Variants in SYN3 observed in about 807,000 individuals in gnomAD.
The protein encoded by SYN3 is synapsin III.
SYN3 carries 35 observed loss-of-function variants against 65.8 expected under a neutral mutation model. The ratio of observed to expected loss-of-function variants is 0.53; its 90% CI spans 0.41 to 0.70. The LOEUF is 0.70. SYN3 is among the 30% of genes least tolerant of loss of function. The pLI is 0.00. For synonymous variants in SYN3, 270 were observed against 292.9 expected (o/e 0.92, Z 0.80); for missense variants, 680 against 749.0 (o/e 0.91, Z 1.08).
chr22:32,935,606 G>A (rs946569688), intron 3 of SYN3, among the ~76,000 whole-genome samples: 40 of 151,894 alleles, frequency 2.6e-4, no homozygotes, highest in Admixed American at 1.3e-4. Flanking sequence ...ACCCGCCACC[G>A]CGCCCGGCTA....
intron 6 of SYN3, among the ~76,000 whole-genome samples, chr22:32,780,600 T>C (rs1469881362): frequency 6.6e-6 from 1 of 152,154 alleles, no homozygotes; most frequent in African/African-American, 2.4e-5. Flanking sequence ...TGGGAGGGAT[T>C]ACACCTTGAC....
intron 7 of SYN3, among the ~76,000 whole-genome samples, chr22:32,546,427 C>T (rs1479607135): frequency 6.6e-6 from 1 of 152,156 alleles, no homozygotes; most frequent in Non-Finnish European, 1.5e-5. Flanking sequence ...TGGATATTTC[C>T]ATGCATTCTT....
chr22:32,952,142 C>T (rs1400013072), intron 3 of SYN3, among the ~76,000 whole-genome samples: 1 of 152,174 alleles, frequency 6.6e-6, no homozygotes, highest in Non-Finnish European at 1.5e-5. Context: ...ACTCACCTAG[C>T]AGCCCATTCC....
intron 6 of SYN3, among the ~76,000 whole-genome samples, chr22:32,661,452 G>C (rs1890891984): frequency 6.6e-6 from 1 of 152,266 alleles, no homozygotes; most frequent in Admixed American, 6.5e-5. Flanking sequence ...ATCAATGGGG[G>C]AATTGTCTGT....
intron 6 of SYN3, among the ~76,000 whole-genome samples, chr22:32,827,599 C>G (rs1167732825): frequency 6.8e-5 from 1 of 14,748 alleles, no homozygotes; most frequent in Non-Finnish European, 1.2e-4. Context: ...AACTCCCTTG[C>G]TTTTACAAGC....
intron 6 of SYN3, among the ~76,000 whole-genome samples, chr22:32,733,649 C>T (rs2061300120): frequency 6.6e-6 from 1 of 152,198 alleles, no homozygotes; most frequent in Admixed American, 6.5e-5. Context: ...CAGTGTCTGG[C>T]AGAGGGGTTG....
At chr22:32,913,490 A>T (rs2146594518) in intron 4 of SYN3, among the ~76,000 whole-genome samples, 1 of 152,048 alleles carries the variant, frequency 6.6e-6, no homozygotes, top group South Asian at 2.1e-4. Flanking sequence ...TAAAGAAAAA[A>T]ACAGAAAAAC....
intron 6 of SYN3, among the ~76,000 whole-genome samples, chr22:32,682,303 A>C (rs1348922841): frequency 2.6e-5 from 4 of 152,224 alleles, no homozygotes; most frequent in African/African-American, 9.6e-5. Context: ...AATCGTGTAG[A>C]GACTGAGAGA....
chr22:32,780,278 G>A (rs1356536385), intron 6 of SYN3, among the ~76,000 whole-genome samples: 1 of 151,978 alleles, frequency 6.6e-6, no homozygotes, highest in African/African-American at 2.4e-5. Flanking sequence ...GCTGGCCCTG[G>A]GGGGTGCCGG....
At chr22:32,596,592 G>T in intron 7 of SYN3, 82 bp downstream of exon 7, 1 of 1,442,924 alleles carries the variant, frequency 6.9e-7, no homozygotes, top group Non-Finnish European at 9.6e-7. Context: ...AGGGGTTGAT[G>T]GGTGACAGAG....
chr22:32,797,840 A>G (rs575881832), intron 6 of SYN3, among the ~76,000 whole-genome samples: 32 of 152,268 alleles, frequency 2.1e-4, no homozygotes, highest in African/African-American at 7.7e-4. Flanking sequence ...AGGATTCCCC[A>G]TGGAATCTTG....
rs754954780 is a variant in SYN3, at chr22:33,006,674, G to A, written c.-12C>T. 3 of 1,560,888 alleles carry A rather than the reference G, an allele frequency of 1.9e-6. No individual in the cohort carries two copies. The highest frequency in any genetic ancestry group is 2.6e-6 in the Non-Finnish European group (3 of 1,152,856). ...CGGAGGAAATTCATGGCTGTGGATG[G>A]ATGGAGATGACTGGCTCCTACCCAG... On this transcript the variant is annotated 5_prime_UTR_variant, in exon 2 of 14. Transcript: ENST00000358763.
chr22:32,720,793 G>T (rs743745), intron 6 of SYN3, among the ~76,000 whole-genome samples: 36,625 of 151,942 alleles, frequency 0.24, 5,350 homozygotes, highest in East Asian at 0.62. Flanking sequence ...CTGACTTGGC[G>T]CCCAGGCCTA....
intron 3 of SYN3, chr22:32,947,585 T>C (rs2051151523): frequency 6.6e-6 from 1 of 152,292 alleles, no homozygotes; most frequent in African/African-American, 2.4e-5. Context: ...CAGGTGAGAA[T>C]AGGGCTATGG....
intron 4 of SYN3, among the ~76,000 whole-genome samples, chr22:32,927,723 T>G (rs59955449): frequency 3.9e-5 from 6 of 152,342 alleles, no homozygotes; most frequent in African/African-American, 1.2e-4. Context: ...TTCTTTGCCC[T>G]TCATATAATC....
At chr22:32,887,094 G>T (rs886071206) in intron 4 of SYN3, among the ~76,000 whole-genome samples, 4 of 152,140 alleles carry the variant, frequency 2.6e-5, no homozygotes, top group African/African-American at 9.7e-5. Context: ...AAAGACCCAT[G>T]GAAAGGCCCA....
intron 3 of SYN3, among the ~76,000 whole-genome samples, chr22:32,975,643 C>T (rs1362471813): frequency 1.3e-5 from 2 of 152,156 alleles, no homozygotes; most frequent in East Asian, 1.9e-4. Flanking sequence ...ACCACCGACT[C>T]GACTTTATAT....
chr22:32,612,899 C>T (rs2059465537), intron 6 of SYN3, among the ~76,000 whole-genome samples: 1 of 152,108 alleles, frequency 6.6e-6, no homozygotes, highest in African/African-American at 2.4e-5. Flanking sequence ...ACCCAAATCT[C>T]ATGTTGAATT....
rs111308299 is a variant in SYN3 at position 32,510,984 on chromosome 22, C to CGTGTGTGTGTGTGTGT, written c.*2692_*2707dup. On this transcript the variant is annotated 3_prime_UTR_variant, in exon 14 of 14. Transcript: ENST00000358763. ...TGTCAATTCCAAGTTATTGTCCAGG[C>CGTGTGTGTGTGTGTGT]GTGTGTGTGTGTGTGTGTGTGTGTG... is the stretch of plus-strand genomic sequence containing the variant. Among the ~76,000 whole-genome samples the CGTGTGTGTGTGTGTGT allele has an allele frequency of 7.2e-3, 1,025 of 143,002 alleles. 9 individuals are homozygous for CGTGTGTGTGTGTGTGT. The highest frequency in any genetic ancestry group is 0.012 in the African/African-American group (474 of 39,366). The allele number at this position is 143,002 out of a possible 152,430, so 93.8% of individuals were successfully genotyped here. A position where few individuals can be genotyped will look rare whatever the true frequency, so the allele number is the denominator to read the frequency against.
Sources: gnomAD v4.1 joint callset for allele counts (sites outside exome capture counted in the v4.1 genomes callset) on GRCh38, gnomAD v4.1.1 for gene constraint, MANE v1.5 for transcripts, NCBI Gene and HGNC (gene_info 2026-07-23, HGNC 2026-07-21) for gene names.